The following KCNQ5 variants were observed in gnomAD, a reference collection of about 807,000 sequenced individuals.
KCNQ5 encodes the protein potassium voltage-gated channel subfamily Q member 5.
Under a neutral mutation model 98.2 loss-of-function variants are expected in KCNQ5, and 30 were observed. That is an observed-to-expected ratio of 0.31 (90% CI 0.23 to 0.41). KCNQ5 has a LOEUF of 0.41. Ranked by LOEUF, KCNQ5 falls within the 10% of genes least tolerant of loss-of-function variation. The pLI is 1.00. For missense variants in KCNQ5, 835 were observed against 1,182.5 expected (o/e 0.71, Z 4.31); for synonymous variants, 458 against 449.4 (o/e 1.02, Z -0.24).
intron 10 of KCNQ5, among the ~76,000 whole-genome samples, chr6:73,148,942 T>C (rs1370009140): frequency 6.6e-6 from 1 of 152,146 alleles, no homozygotes; most frequent in Non-Finnish European, 1.5e-5. Context: ...GGAAAAATAG[T>C]TTTTTGTTTT....
intron 1 of KCNQ5, among the ~76,000 whole-genome samples, chr6:72,847,826 T>A (rs1335690383): frequency 1.3e-5 from 2 of 152,210 alleles, no homozygotes; most frequent in Admixed American, 6.5e-5. Flanking sequence ...CACCCACTCT[T>A]CTTCATGGAG....
intron 2 of KCNQ5, among the ~76,000 whole-genome samples, chr6:73,010,461 G>A (rs1269867168): frequency 6.6e-6 from 1 of 151,946 alleles, no homozygotes; most frequent in Non-Finnish European, 1.5e-5. Flanking sequence ...AAGAAGGCAA[G>A]GATGTCTGTG....
chr6:72,660,051 T>G (rs1007508353), intron 1 of KCNQ5, among the ~76,000 whole-genome samples: 1 of 152,172 alleles, frequency 6.6e-6, no homozygotes, highest in Admixed American at 6.6e-5. Flanking sequence ...AGGGCAAACC[T>G]TTTAAAACCT....
intron 2 of KCNQ5, among the ~76,000 whole-genome samples, chr6:73,041,576 T>C (rs2150357294): frequency 6.6e-6 from 1 of 152,350 alleles, no homozygotes; most frequent in East Asian, 1.9e-4. Flanking sequence ...TCAGGATCGC[T>C]ATTTTATTTC....
chr6:72,787,107 C>T (rs1410623190), intron 1 of KCNQ5, among the ~76,000 whole-genome samples: 1 of 151,710 alleles, frequency 6.6e-6, no homozygotes, highest in African/African-American at 2.4e-5. Flanking sequence ...GGTTTGGCTA[C>T]CCTGACCTGT....
At chr6:72,736,655 A>G (rs1033671813) in intron 1 of KCNQ5, among the ~76,000 whole-genome samples, 85 of 148,270 alleles carry the variant, frequency 5.7e-4, no homozygotes, top group Non-Finnish European at 6.4e-4. Context: ...GCCCGCCACC[A>G]CGCCCGGCTA....
At chr6:73,106,907 C>T (rs973662019) in intron 6 of KCNQ5, among the ~76,000 whole-genome samples, 3 of 152,074 alleles carry the variant, frequency 2.0e-5, no homozygotes, top group Admixed American at 6.6e-5. Context: ...TGTTACTTCC[C>T]TTTGCCTGTA....
chr6:72,763,476 T>C (rs1486984376), intron 1 of KCNQ5, among the ~76,000 whole-genome samples: 1 of 152,084 alleles, frequency 6.6e-6, no homozygotes, highest in Admixed American at 6.6e-5. Context: ...ATCCTTCTTT[T>C]ACATAAGTGT....
chr6:73,090,518 A>G (rs1774200507), intron 5 of KCNQ5, among the ~76,000 whole-genome samples: 1 of 152,090 alleles, frequency 6.6e-6, no homozygotes, highest in African/African-American at 2.4e-5. Context: ...CTCCAATGTT[A>G]TCTTCTAGAG....
chr6:72,846,152 C>T (rs1416997836), intron 1 of KCNQ5, among the ~76,000 whole-genome samples: 1 of 152,136 alleles, frequency 6.6e-6, no homozygotes, highest in African/African-American at 2.4e-5. Context: ...AATCATCAAA[C>T]AACAGAATAT....
intron 1 of KCNQ5, among the ~76,000 whole-genome samples, chr6:72,693,579 G>A (rs1190887118): frequency 6.6e-6 from 1 of 152,128 alleles, no homozygotes; most frequent in Non-Finnish European, 1.5e-5. Flanking sequence ...TGAAATAAAT[G>A]TTAGGGCCCA....
At chr6:72,704,931 A>G (rs1445362639) in intron 1 of KCNQ5, among the ~76,000 whole-genome samples, 1 of 152,188 alleles carries the variant, frequency 6.6e-6, no homozygotes, top group Non-Finnish European at 1.5e-5. Context: ...GTGGAGGCAC[A>G]CCACTGACTA....
intron 1 of KCNQ5, among the ~76,000 whole-genome samples, chr6:72,722,554 C>T (rs1770023493): frequency 1.3e-5 from 2 of 152,122 alleles, no homozygotes; most frequent in African/African-American, 4.8e-5. Flanking sequence ...TTGTATAAAT[C>T]GCATCAGATG....
At chr6:72,645,450 TA>T (rs60650806) in intron 1 of KCNQ5, among the ~76,000 whole-genome samples, 527 of 152,024 alleles carry the variant, frequency 3.5e-3, no homozygotes, top group African/African-American at 0.012. Flanking sequence ...CAAATACTCT[TA>T]CTTACATTCT....
intron 1 of KCNQ5, among the ~76,000 whole-genome samples, chr6:72,760,714 C>A (rs1256235708): frequency 1.3e-5 from 2 of 152,050 alleles, no homozygotes; most frequent in Non-Finnish European, 2.9e-5. Context: ...AGACTTCTAC[C>A]CATTTTCTAT....
intron 1 of KCNQ5, among the ~76,000 whole-genome samples, chr6:72,636,086 G>A (rs2098923957): frequency 6.6e-6 from 1 of 152,040 alleles, no homozygotes; most frequent in Non-Finnish European, 1.5e-5. Context: ...TTTACCTTCT[G>A]TTTTGGAAGT....
intron 1 of KCNQ5, among the ~76,000 whole-genome samples, chr6:72,822,134 C>T (rs1226586679): frequency 6.6e-6 from 1 of 152,104 alleles, no homozygotes; most frequent in East Asian, 1.9e-4. Flanking sequence ...ACAGGAGGGG[C>T]CTGGATCTCT....
chr6:73,027,882 G>T (rs1770962258), intron 2 of KCNQ5, among the ~76,000 whole-genome samples: 2 of 152,208 alleles, frequency 1.3e-5, no homozygotes, highest in South Asian at 4.1e-4. Context: ...AACAAGCAGG[G>T]TAATAAAACA....
In KCNQ5 at chr6:72,934,393, A is replaced by T. The variant is rs118018898; in HGVS notation, c.399-69515A>T. 6.6e-5 allele frequency among the ~76,000 whole-genome samples: 10 copies of T among 152,284 alleles called. No homozygotes were observed. In the East Asian group the frequency reaches 1.9e-3, roughly 29 times the overall value. On this transcript the variant is annotated intron_variant, in intron 1 of 13. Transcript: ENST00000370398. Reference sequence around the variant, plus strand: ...GATGATAATGGTGATGATGGTGGTGATGGTGGTGATGACAGTGGTGATAGT... The same window carrying T: ...GATGATAATGGTGATGATGGTGGTGTTGGTGGTGATGACAGTGGTGATAGT...
Sources: allele counts gnomAD v4.1 joint callset (sites outside exome capture counted in the v4.1 genomes callset), GRCh38; gene constraint gnomAD v4.1.1; transcripts MANE v1.5; gene names NCBI Gene and HGNC (gene_info 2026-07-23, HGNC 2026-07-21).